RANBP2: variants seen among roughly 807,000 people sequenced by gnomAD.
The protein encoded by RANBP2 is E3 SUMO-protein ligase RanBP2.
Under a neutral mutation model 303.6 loss-of-function variants are expected in RANBP2, and 57 were observed. That is an observed-to-expected ratio of 0.19 (90% CI 0.15 to 0.23). RANBP2 has a LOEUF of 0.23. RANBP2 is among the 10% of genes least tolerant of loss of function. RANBP2 has a pLI of 1.00. For synonymous variants in RANBP2, 1,167 were observed against 1,301.5 expected (o/e 0.90, Z 2.23); for missense variants, 3,138 against 3,780.8 (o/e 0.83, Z 4.46).
chr2:109,404,745 T>G, the RANBP2 span, among the ~76,000 whole-genome samples: 1 of 152,082 alleles, frequency 6.6e-6, no homozygotes, highest in African/African-American at 2.4e-5. Context: ...GCTTCCTCTT[T>G]CCCATGGATG....
At chr2:109,449,378 C>T in the RANBP2 span, 8 of 1,611,200 alleles carry the variant, frequency 5.0e-6, no homozygotes, top group South Asian at 2.2e-5. Context: ...CACCTCCCAA[C>T]GTCAGTGCCG....
chr2:109,140,999 A>C, the RANBP2 span, among the ~76,000 whole-genome samples: 1 of 152,078 alleles, frequency 6.6e-6, no homozygotes, highest in African/African-American at 2.4e-5. Flanking sequence ...CATCCTGACA[A>C]CCAGACTCCT....
At chr2:109,154,870 T>C in the RANBP2 span, among the ~76,000 whole-genome samples, 18 of 152,344 alleles carry the variant, frequency 1.2e-4, no homozygotes, top group African/African-American at 4.3e-4. Context: ...AAGGAAATTC[T>C]TCGGGAGCAG....
the RANBP2 span, chr2:109,419,393 C>A: frequency 2.6e-6 from 2 of 781,034 alleles, no homozygotes; most frequent in South Asian, 1.7e-5. Context: ...CCATGACAGT[C>A]CAGGTAGGCA....
chr2:108,741,254 T>G (rs1385837134), intron 7 of RANBP2, among the ~76,000 whole-genome samples: 1 of 152,186 alleles, frequency 6.6e-6, no homozygotes, highest in Non-Finnish European at 1.5e-5. Context: ...TGGAGTGCAG[T>G]GGCGTGATCT....
the RANBP2 span, among the ~76,000 whole-genome samples, chr2:109,664,173 A>C: frequency 2.1e-4 from 32 of 152,324 alleles, no homozygotes; most frequent in Non-Finnish European, 4.4e-4. Context: ...AGGTCTTTTT[A>C]CTTTGCAGCA....
chr2:109,221,993 AC>A, the RANBP2 span, among the ~76,000 whole-genome samples: 5 of 151,478 alleles, frequency 3.3e-5, no homozygotes, highest in African/African-American at 1.2e-4. Flanking sequence ...AAAAAAAAAA[AC>A]ACAGGGGATA....
the RANBP2 span, among the ~76,000 whole-genome samples, chr2:108,898,875 A>T: frequency 1.3e-5 from 2 of 152,246 alleles, no homozygotes; most frequent in African/African-American, 4.8e-5. Context: ...TAGAAGTGGA[A>T]ATTACTCAAT....
At chr2:109,617,644 C>T in the RANBP2 span, 1 of 166,960 alleles carries the variant, frequency 6.0e-6, no homozygotes, top group Admixed American at 6.5e-5. Context: ...GTGAACTGCA[C>T]AGAGCAATTC....
the RANBP2 span, among the ~76,000 whole-genome samples, chr2:109,514,129 T>C: frequency 3.3e-5 from 5 of 152,178 alleles, no homozygotes; most frequent in African/African-American, 9.7e-5. Context: ...CAAGTGCTCT[T>C]GCAGCTCTGA....
At chr2:108,774,743 T>C (rs1295013424) in intron 23 of RANBP2, among the ~76,000 whole-genome samples, 1 of 151,308 alleles carries the variant, frequency 6.6e-6, no homozygotes, top group Non-Finnish European at 1.5e-5. Flanking sequence ...TCTCGCTCTG[T>C]CTCCCAGGCT....
the RANBP2 span, among the ~76,000 whole-genome samples, chr2:109,681,781 C>T: frequency 6.6e-6 from 1 of 152,242 alleles, no homozygotes; most frequent in South Asian, 2.1e-4. Flanking sequence ...TGTGTGTGTG[C>T]TCTTGCCCGG....
intron 17 of RANBP2, 61 bp downstream of exon 17, chr2:108,755,320 T>TC (rs2149241829): frequency 6.2e-7 from 1 of 1,609,242 alleles, no homozygotes; most frequent in African/African-American, 1.3e-5. Context: ...CTGGCCACTC[T>TC]CTCACTTTTT....
the RANBP2 span, among the ~76,000 whole-genome samples, chr2:109,190,068 C>T: frequency 2.6e-5 from 4 of 152,182 alleles, no homozygotes; most frequent in African/African-American, 9.7e-5. Flanking sequence ...TTGTAATTGT[C>T]GTTGCTTTAA....
chr2:109,113,115 G>C, the RANBP2 span, among the ~76,000 whole-genome samples: 2 of 152,080 alleles, frequency 1.3e-5, no homozygotes, highest in Non-Finnish European at 2.9e-5. Flanking sequence ...TTGGCAATGC[G>C]GGCCCTTTTT....
the RANBP2 span, among the ~76,000 whole-genome samples, chr2:109,447,059 C>A: frequency 2.6e-4 from 40 of 150,996 alleles, no homozygotes; most frequent in Non-Finnish European, 5.6e-4. Context: ...TGCGTGATTG[C>A]CTGACCTGCT....
chr2:108,768,904 G>A (rs1171807774), intron 20 of RANBP2, among the ~76,000 whole-genome samples: 2 of 151,964 alleles, frequency 1.3e-5, no homozygotes, highest in Admixed American at 6.6e-5. Context: ...GTCGTGGTGC[G>A]TGCCTATAAT....
chr2:109,632,860 A>C, the RANBP2 span, among the ~76,000 whole-genome samples: 1 of 151,984 alleles, frequency 6.6e-6, no homozygotes, highest in Non-Finnish European at 1.5e-5. Flanking sequence ...CAAAAACTTG[A>C]CGTCCAAGAT....
At chr2:108,749,192 T>C in intron 9 of RANBP2, 63 bp downstream of exon 9, 1 of 1,609,742 alleles carries the variant, frequency 6.2e-7, no homozygotes, top group Non-Finnish European at 8.5e-7. Flanking sequence ...CCCATAATCT[T>C]ATTACCCAGA....
Sources: gnomAD v4.1 joint callset for allele counts (sites outside exome capture counted in the v4.1 genomes callset) on GRCh38, gnomAD v4.1.1 for gene constraint, MANE v1.5 for transcripts, NCBI Gene and HGNC (gene_info 2026-07-23, HGNC 2026-07-21) for gene names.